The following CEACAM16 variants were observed in gnomAD, a reference collection of about 807,000 sequenced individuals.
CEACAM16 encodes CEA cell adhesion molecule 16, tectorial membrane component, also known as cell adhesion molecule CEACAM16.
In CEACAM16, 30 loss-of-function variants were observed where a neutral mutation model predicts 39.4. That is an observed-to-expected ratio of 0.76 (90% CI 0.57 to 1.03). The LOEUF (loss-of-function observed/expected upper bound fraction) is 1.03, where lower values mean the gene tolerates loss of function less well. Among genes scored for constraint, CEACAM16 ranks in the 50% least tolerant of loss-of-function variants. CEACAM16 has a pLI of 0.00. For missense variants in CEACAM16, 521 were observed against 585.3 expected (o/e 0.89, Z 1.13); for synonymous variants, 262 against 264.9 (o/e 0.99, Z 0.11).
rs565347281 is a variant in CEACAM16 at position 44,704,426 on chromosome 19, C to G, written c.661+130C>G. ...CAAGCTGGGATTGGGGACCAGGGAC[C>G]CCTCTTAAAGTGCACTTGCCCTCGC... On this transcript the variant is annotated intron_variant, in intron 4 of 6. Transcript: ENST00000587331. 1.3e-4 allele frequency: 158 copies of G among 1,232,426 alleles called. 1 individual carries two copies. The African/African-American group carries it at 2.1e-3, about 16-fold the overall frequency. The allele number at this position is 1,232,426 out of a possible 1,614,324, so 76.3% of individuals were successfully genotyped here.
rs772353876 is a variant in CEACAM16, at chr19:44,703,605, C to G, written c.294C>G (p.Ile98Met). 2 of 1,609,454 alleles carry G rather than the reference C, an allele frequency of 1.2e-6. No individual in the cohort carries two copies. Among genetic ancestry groups the G allele is most frequent in the African/African-American group, 2.7e-5 (2 of 74,818 alleles). The change falls in exon 3 of 7, where the codon ATC (isoleucine) becomes ATG (methionine). Residue 98 changes from isoleucine (I) to methionine (M), a missense_variant. Ile to Met is a conservative substitution (Grantham distance 10, BLOSUM62 1). Coordinates refer to ENST00000587331, the MANE Select transcript of CEACAM16 (RefSeq NM_001039213.4). ...RPDGSLDIQG[I>M]LPRHSGTYIL... is the part of the protein sequence containing the mutation. ...ATGGCAGCCTGGACATCCAGGGCAT[C>G]CTGCCCCGGCACTCAGGCACCTACA...
rs1286788499 is a variant in CEACAM16 at position 44,707,942 on chromosome 19, A to AC, written c.1026dup (p.Lys343GlnfsTer71). On this transcript the variant is annotated frameshift_variant, in exon 6 of 7. Transcript: ENST00000587331. LOFTEE classifies it high-confidence loss of function. ...GACGTAACACTGACCGTGCAGGGCT[A>AC]CCCCAAGGACCTGCTGGTCTACGCC... The AC allele has an allele frequency of 6.3e-7, 1 of 1,599,946 alleles. No homozygotes were observed. The highest frequency in any genetic ancestry group is 1.7e-5 in the Admixed American group (1 of 59,168).
At chr19:44,705,220 T>C (rs1044353702) in intron 4 of CEACAM16, among the ~76,000 whole-genome samples, 1 of 152,080 alleles carries the variant, frequency 6.6e-6, no homozygotes, top group Non-Finnish European at 1.5e-5. Flanking sequence ...TTCTAGAAGC[T>C]TAGAACCTTA....
chr19:44,705,374 A>G (rs778585351), intron 4 of CEACAM16, among the ~76,000 whole-genome samples: 1 of 152,196 alleles, frequency 6.6e-6, no homozygotes, highest in Non-Finnish European at 1.5e-5. Context: ...ATCTTGCCCA[A>G]CACATTCTTT....
rs1974483609 is a variant in CEACAM16 at position 44,708,238 on chromosome 19, C to T, written c.1267+51C>T. The T allele has an allele frequency of 2.8e-6, 4 of 1,431,990 alleles. No homozygotes were observed. In the Admixed American group the frequency reaches 9.7e-5, roughly 35 times the overall value. The allele number at this position is 1,431,990 out of a possible 1,614,324, so 88.7% of individuals were successfully genotyped here. On this transcript the variant is annotated intron_variant, in intron 6 of 6. Transcript: ENST00000587331. ...GTGCCCCTTTTTAGACAAGGGCTCC[C>T]AAAAGGAGCCTTTGCTTCCTCCATC...
Position 44,701,691 on chromosome 19 carries a change from G to T in CEACAM16, c.37+198G>T, listed in dbSNP as rs1974349872. Among the ~76,000 whole-genome samples, 1 of 152,354 alleles carries T rather than the reference G, an allele frequency of 6.6e-6. No individual in the cohort carries two copies. Among genetic ancestry groups the T allele is most frequent in the South Asian group, 2.1e-4 (1 of 4,834 alleles). ...CAGGCTGGGGACAGCCACCCAGAGA[G>T]GTTTTCAGGGTGGGCTTTGGAGATT... On this transcript the variant is annotated intron_variant, in intron 2 of 6. Transcript: ENST00000587331. The surrounding 1 kb of genome is among the most constrained non-coding windows in gnomAD (Gnocchi z 4.0).
chr19:44,703,656 G>A lies in CEACAM16; in HGVS notation c.345G>A (p.Leu115=). ...TCCTGCAGACCTTCAACAGGCAGTT[G>A]CAGACCGAGGTGGGCTACGGACACG... is the stretch of plus-strand genomic sequence containing the variant. The part of the protein sequence containing the change: ...TYILQTFNRQ[L]QTEVGYGHVQ... The change falls in exon 3 of 7, where the codon TTG becomes TTA. Residue 115 remains leucine, a synonymous_variant. Coordinates refer to ENST00000587331, the MANE Select transcript of CEACAM16 (RefSeq NM_001039213.4). The A allele has an allele frequency of 1.9e-6, 3 of 1,584,942 alleles. No homozygotes were observed. Among genetic ancestry groups the A allele is most frequent in the Non-Finnish European group, 1.7e-6 (2 of 1,162,674 alleles).
chr19:44,701,611 G>A lies in CEACAM16; in HGVS notation c.37+118G>A, dbSNP rs1458893115. ...AGAAGTCCAGCGTGCTAGGGAGGGA[G>A]GGCAGCCCTGCTTCACACCGGCAGT... On this transcript the variant is annotated intron_variant, in intron 2 of 6. Transcript: ENST00000587331. The surrounding 1 kb of genome is among the most constrained non-coding windows in gnomAD (Gnocchi z 4.0). 3.0e-6 allele frequency: 3 copies of A among 1,009,368 alleles called. No individual in the cohort carries two copies. The highest frequency in any genetic ancestry group is 2.7e-5 in the South Asian group (2 of 73,220). 62.5% of individuals were successfully genotyped at this position (1,009,368 alleles called of 1,614,324 possible).
intron 4 of CEACAM16, among the ~76,000 whole-genome samples, chr19:44,704,820 C>T (rs763086511): frequency 2.0e-5 from 3 of 151,936 alleles, no homozygotes; most frequent in Non-Finnish European, 4.4e-5. Flanking sequence ...TTCTACAGAC[C>T]ACCTTTACTA....
At chr19:44,699,559 T>C (rs934648131) in intron 1 of CEACAM16, 2 of 383,936 alleles carry the variant, frequency 5.2e-6, no homozygotes, top group Admixed American at 3.4e-5. Flanking sequence ...GTATTTTTAG[T>C]AGAGACAGGG....
In CEACAM16 at chr19:44,708,290, G is replaced by A; in HGVS notation, c.1267+103G>A. On this transcript the variant is annotated intron_variant, in intron 6 of 6. Coordinates refer to ENST00000587331, the MANE Select transcript of CEACAM16 (RefSeq NM_001039213.4). Reference sequence around the variant, plus strand: ...GGCTGGGGGGACATAGACCAAAGATGGATACCCATCCCCCATCAGGCTGAA... The same window carrying A: ...GGCTGGGGGGACATAGACCAAAGATAGATACCCATCCCCCATCAGGCTGAA... 5.1e-6 allele frequency: 6 copies of A among 1,171,038 alleles called. No homozygotes were observed. The South Asian group carries it at 1.0e-4, about 20-fold the overall frequency. The allele number at this position is 1,171,038 out of a possible 1,614,324, so 72.5% of individuals were successfully genotyped here. A position where few individuals can be genotyped will look rare whatever the true frequency, so the allele number is the denominator to read the frequency against.
intron 2 of CEACAM16, 131 bp from the exon 3 acceptor site, chr19:44,703,218 G>A (rs781275064): frequency 4.0e-6 from 3 of 741,042 alleles, no homozygotes; most frequent in Non-Finnish European, 6.4e-6. Flanking sequence ...TCAAATCCTG[G>A]TTTTGCCTGT....
At chr19:44,707,391 T>C (rs1433048507) in intron 5 of CEACAM16, among the ~76,000 whole-genome samples, 1 of 152,180 alleles carries the variant, frequency 6.6e-6, no homozygotes, top group East Asian at 1.9e-4. Context: ...GGAGGAGACA[T>C]GCTCTCACCC....
chr19:44,700,542 G>T (rs1382785515), intron 1 of CEACAM16, among the ~76,000 whole-genome samples: 1 of 152,200 alleles, frequency 6.6e-6, no homozygotes, highest in African/African-American at 2.4e-5. Context: ...GCCTCCCGAA[G>T]TGCTGGGATG....
chr19:44,706,760 A>T lies in CEACAM16; in HGVS notation c.940+892A>T, dbSNP rs146505129. Among the ~76,000 whole-genome samples the T allele has an allele frequency of 3.1e-3, 478 of 152,274 alleles. 3 individuals carry two copies. Among genetic ancestry groups the T allele is most frequent in the Admixed American group, 5.5e-3 (84 of 15,296 alleles). On this transcript the variant is annotated intron_variant, in intron 5 of 6. Coordinates refer to ENST00000587331, the MANE Select transcript of CEACAM16 (RefSeq NM_001039213.4). ...CAAGCCCTGTCTGTGCAGTCCAAGAAGGGGGGTGTCCAAGGTATGCAGGTA... is the reference window on the plus strand; with the variant it reads ...CAAGCCCTGTCTGTGCAGTCCAAGATGGGGGGTGTCCAAGGTATGCAGGTA...
rs1265008671 is a variant in CEACAM16 at position 44,707,901 on chromosome 19, G to T, written c.981G>T (p.Lys327Asn). 1 of 1,566,998 alleles carries T rather than the reference G, an allele frequency of 6.4e-7. No homozygotes were observed. Residue 327 changes from lysine to asparagine, a missense_variant, in exon 6 of 7, where the codon AAG (lysine) becomes AAT (asparagine). Coordinates refer to ENST00000587331, the MANE Select transcript of CEACAM16 (RefSeq NM_001039213.4). ...VATMIVPVPTKPTEGQDVTLT... is the reference protein window; with the variant it reads ...VATMIVPVPTNPTEGQDVTLT... ...CGATGATCGTGCCCGTGCCCACCAA[G>T]CCAACGGAGGGCCAGGACGTAACAC...
At position 44,708,141 on chromosome 19, in the gene CEACAM16, A is replaced by C. The variant is rs377372333; in HGVS notation, c.1221A>C (p.Thr407=). Residue 407 remains threonine (T), a synonymous_variant, in exon 6 of 7, where the codon ACA becomes ACC. Transcript: ENST00000587331. ...GCCGCTACACACTCAAGACTGTCAC[A>C]GTGCAGGGCAAGACTGAGACACTGG... ...DTGRYTLKTV[T]VQGKTETLEV... 50 of 1,602,928 alleles carry C rather than the reference A, an allele frequency of 3.1e-5. No homozygotes were observed. Among genetic ancestry groups the C allele is most frequent in the Non-Finnish European group, 4.2e-5 (49 of 1,173,744 alleles).
rs761891484 is a variant in CEACAM16, at chr19:44,705,585, C to A, written c.662-5C>A. On this transcript the variant is annotated splice_polypyrimidine_tract_variant and splice_region_variant and intron_variant, in intron 4 of 6. Coordinates refer to ENST00000587331, the MANE Select transcript of CEACAM16 (RefSeq NM_001039213.4). ...GCCCCATCTATCTCCCTCCTGCCCC[C>A]ACAGTTGGCCCAGAGCGTGTGGCCA... 1.3e-6 allele frequency: 2 copies of A among 1,589,660 alleles called. No homozygotes were observed. The highest frequency in any genetic ancestry group is 1.7e-6 in the Non-Finnish European group (2 of 1,162,854).
rs567324950 is a variant in CEACAM16, at chr19:44,704,127, G to A, written c.492G>A (p.Trp164Ter). Reference protein sequence around the residue: ...SSPSPTAEVRWFFNGGALPVA... With the variant: ...SSPSPTAEVR ...CCAGCCCCACCGCCGAGGTCCGCTG[G>A]TTCTTCAACGGTGGGGCCCTGCCCG... Residue 164 changes from tryptophan (W) to a stop codon, truncating the protein, a stop_gained, in exon 4 of 7, where the codon TGG becomes TGA. Coordinates refer to ENST00000587331, the MANE Select transcript of CEACAM16 (RefSeq NM_001039213.4). LOFTEE classifies it high-confidence loss of function. The A allele has an allele frequency of 6.3e-7, 1 of 1,597,872 alleles. No individual in the cohort carries two copies. The highest frequency in any genetic ancestry group is 1.3e-5 in the African/African-American group (1 of 74,582).
Sources: gnomAD v4.1 joint callset for allele counts (sites outside exome capture counted in the v4.1 genomes callset) on GRCh38, gnomAD v4.1.1 for gene constraint, Gnocchi (gnomAD v3.1) non-coding constraint, MANE v1.5 for transcripts, NCBI Gene and HGNC (gene_info 2026-07-23, HGNC 2026-07-21) for gene names.